The following GPRASP3 variants were observed in gnomAD, a reference collection of about 807,000 sequenced individuals.
GPRASP3 encodes G protein-coupled receptor associated sorting protein 3.
chrX:102,722,564 G>T, the GPRASP3 span, among the ~76,000 whole-genome samples: 3 of 111,895 alleles, frequency 2.7e-5, no homozygotes, highest in African/African-American at 9.8e-5. Flanking sequence ...AAGGGGTGAG[G>T]CTGAAAGTTC....
the GPRASP3 span, among the ~76,000 whole-genome samples, chrX:102,726,897 T>C: frequency 8.9e-6 from 1 of 112,618 alleles, no homozygotes; most frequent in Non-Finnish European, 1.9e-5. Flanking sequence ...TACTTTTTAA[T>C]CTGGAGCAGA....
the GPRASP3 span, among the ~76,000 whole-genome samples, chrX:102,737,333 C>T: frequency 8.9e-6 from 1 of 112,012 alleles, no homozygotes; most frequent in Non-Finnish European, 1.9e-5. Context: ...ACAGGTGAAA[C>T]CAATAAGCCT....
chrX:102,729,821 A>G, the GPRASP3 span, among the ~76,000 whole-genome samples: 4 of 111,701 alleles, frequency 3.6e-5, no homozygotes, highest in African/African-American at 1.3e-4. Context: ...AGTGAGCCGA[A>G]ATTGTGCCAC....
At chrX:102,722,684 A>T in the GPRASP3 span, among the ~76,000 whole-genome samples, 28 of 111,807 alleles carry the variant, frequency 2.5e-4, 1 homozygote, top group South Asian at 2.7e-3. Flanking sequence ...ATCACTCCAG[A>T]GATTCCAAGG....
the GPRASP3 span, among the ~76,000 whole-genome samples, chrX:102,743,718 G>A: frequency 9.2e-6 from 1 of 108,321 alleles, no homozygotes; most frequent in Non-Finnish European, 1.9e-5. Flanking sequence ...CATGGGGGTG[G>A]CTAGGCAATG....
the GPRASP3 span, among the ~76,000 whole-genome samples, chrX:102,742,751 T>C: frequency 9.0e-6 from 1 of 111,537 alleles, no homozygotes; most frequent in Non-Finnish European, 1.9e-5. Context: ...TCAGAATCCC[T>C]TTGTGGTTAC....
chrX:102,734,559 G>A, the GPRASP3 span, among the ~76,000 whole-genome samples: 2 of 111,842 alleles, frequency 1.8e-5, no homozygotes, highest in Admixed American at 9.5e-5. Context: ...AGAGGTTGCA[G>A]TGAGCCGAGA....
chrX:102,731,968 G>A, the GPRASP3 span, among the ~76,000 whole-genome samples: 4 of 112,071 alleles, frequency 3.6e-5, no homozygotes, highest in African/African-American at 9.7e-5. Context: ...CCTGGTATCC[G>A]CATTCAATTA....
At chrX:102,736,215 T>A in the GPRASP3 span, among the ~76,000 whole-genome samples, 1 of 112,446 alleles carries the variant, frequency 8.9e-6, no homozygotes, top group South Asian at 3.7e-4. Context: ...TGAAGATATT[T>A]TTATTTTACC....
At chrX:102,745,920 T>G in the GPRASP3 span, 1 of 110,599 alleles carries the variant, frequency 9.0e-6, no homozygotes, top group East Asian at 2.9e-4. Context: ...GGAACTAAGG[T>G]GGGCCTGAGA....
chrX:102,750,266 C>G, the GPRASP3 span: 2 of 1,203,262 alleles, frequency 1.7e-6, no homozygotes, highest in South Asian at 3.6e-5. Flanking sequence ...GGACAGCAAT[C>G]TGGATTAAAG....
chrX:102,746,956 A>G, the GPRASP3 span, among the ~76,000 whole-genome samples: 148 of 112,277 alleles, frequency 1.3e-3, 4 homozygotes, highest in South Asian at 0.052. Context: ...CTGTTTTCTC[A>G]ACATGCTGAT....
At chrX:102,750,640 A>G in the GPRASP3 span, 4 of 1,157,919 alleles carry the variant, frequency 3.5e-6, no homozygotes, top group Non-Finnish European at 3.4e-6. Context: ...AACAATGTAA[A>G]ATGAGCCAGA....
chrX:102,722,046 G>A, the GPRASP3 span, among the ~76,000 whole-genome samples: 16 of 111,850 alleles, frequency 1.4e-4, 2 homozygotes, highest in East Asian at 8.4e-4. Flanking sequence ...ACATCAGCTA[G>A]GTATTCTACA....
the GPRASP3 span, among the ~76,000 whole-genome samples, chrX:102,727,410 C>T: frequency 1.8e-5 from 2 of 112,019 alleles, no homozygotes; most frequent in Non-Finnish European, 1.9e-5. Context: ...CCCCTAATGT[C>T]ACATTGAGTG....
the GPRASP3 span, chrX:102,750,983 C>T: frequency 6.6e-6 from 1 of 152,444 alleles, no homozygotes; most frequent in Non-Finnish European, 1.4e-5. Context: ...CATACACACA[C>T]ACAAAGATAA....
the GPRASP3 span, among the ~76,000 whole-genome samples, chrX:102,738,158 G>A: frequency 8.9e-6 from 1 of 112,246 alleles, no homozygotes; most frequent in African/African-American, 3.2e-5. Flanking sequence ...AATTTTCCCA[G>A]TTTGGGGGAA....
the GPRASP3 span, among the ~76,000 whole-genome samples, chrX:102,731,624 CA>C: frequency 6.6e-5 from 6 of 91,118 alleles, no homozygotes; most frequent in Admixed American, 1.2e-4. Flanking sequence ...GACTCCAACT[CA>C]AAAAAAAAAG....
the GPRASP3 span, chrX:102,750,878 G>A: frequency 5.4e-5 from 15 of 278,222 alleles, no homozygotes; most frequent in Non-Finnish European, 8.6e-5. Flanking sequence ...AAACCAGTTC[G>A]TTTTAAGTAA....
Sources: allele counts gnomAD v4.1 joint callset (sites outside exome capture counted in the v4.1 genomes callset), GRCh38; gene constraint gnomAD v4.1.1; transcripts MANE v1.5; gene names NCBI Gene and HGNC (gene_info 2026-07-23, HGNC 2026-07-21).